Variants in GLYCTK observed in about 807,000 individuals in gnomAD.
The protein encoded by GLYCTK is glycerate kinase, also known as HBeAg binding protein 4.
In GLYCTK, 22 loss-of-function variants were observed where a neutral mutation model predicts 24.8. The ratio of observed to expected loss-of-function variants is 0.89; its 90% CI spans 0.63 to 1.27. GLYCTK has a LOEUF of 1.27. Ranked by LOEUF, GLYCTK falls within the 50% of genes most tolerant of loss-of-function variation. The probability of loss-of-function intolerance (pLI) is 0.00; values close to 1 mark genes in which losing one functional copy is unlikely to be tolerated. For missense variants in GLYCTK, 684 were observed against 686.7 expected, an observed-to-expected ratio of 1.00 and a Z score of 0.04; for synonymous variants, 320 against 297.2, an observed-to-expected ratio of 1.08 and a Z score of -0.79.
At position 52,293,429 on chromosome 3, in the gene GLYCTK, T is replaced by G; in HGVS notation, c.*303T>G. 1 of 617,382 alleles carries G rather than the reference T, an allele frequency of 1.6e-6. No individual in the cohort carries two copies. Among genetic ancestry groups the G allele is most frequent in the Non-Finnish European group, 3.0e-6 (1 of 330,324 alleles). 38.2% of individuals were successfully genotyped at this position (617,382 alleles called of 1,614,324 possible). A position where few individuals can be genotyped will look rare whatever the true frequency, so the allele number is the denominator to read the frequency against. ...CTCTTGAGCCCCTCACCCTGTTTCT[T>G]TCTGTGAAGCGAGAATGTCTGAAAA... On this transcript the variant is annotated 3_prime_UTR_variant, in exon 5 of 5. Transcript: ENST00000436784.
rs1392286305 is a variant in GLYCTK, at chr3:52,292,608, G to A, written c.1054G>A (p.Ala352Thr). 6.2e-7 allele frequency: 1 copy of A among 1,613,406 alleles called. No homozygotes were observed. Among genetic ancestry groups the A allele is most frequent in the East Asian group, 2.2e-5 (1 of 44,864 alleles). ...TATGGCCCAGTTCTACGGGCTGCTG[G>A]CCCATGTGGCTAGAACCCGCCTCAC... is the stretch of plus-strand genomic sequence containing the variant. ...KSMAQFYGLL[A>T]HVARTRLTPS... The change falls in exon 5 of 5, where the codon GCC becomes ACC. Residue 352 changes from alanine (A) to threonine (T), a missense_variant. Transcript: ENST00000436784.
intron 1 of GLYCTK, chr3:52,288,859 C>T (rs1379768213): frequency 6.6e-6 from 1 of 152,138 alleles, no homozygotes; most frequent in Non-Finnish European, 1.5e-5. Flanking sequence ...TTCGGAATCC[C>T]CATGACGATG....
rs190088564 is a variant in GLYCTK, at chr3:52,290,073, C to T, written c.-39-231C>T. The T allele has an allele frequency of 1.5e-3, 805 of 536,094 alleles. 3 individuals carry two copies. Among genetic ancestry groups the T allele is most frequent in the Non-Finnish European group, 2.2e-3 (661 of 302,478 alleles). 33.2% of individuals were successfully genotyped at this position (536,094 alleles called of 1,614,324 possible). A position where few individuals can be genotyped will look rare whatever the true frequency, so the allele number is the denominator to read the frequency against. On this transcript the variant is annotated intron_variant, in intron 1 of 4. Transcript: ENST00000436784. ...ACTTGAGGCAGAGTATCCAGAGGGC[C>T]GGCATGTGGTCTGCAGAAGAGGAGG...
At position 52,294,363 on chromosome 3, in the gene GLYCTK, G is replaced by T. The variant is rs1333921228; in HGVS notation, c.*1237G>T. On this transcript the variant is annotated 3_prime_UTR_variant, in exon 5 of 5. Coordinates refer to ENST00000436784, the MANE Select transcript of GLYCTK (RefSeq NM_145262.4). Reference sequence around the variant, plus strand: ...CCCAACCCTCCCCTCCTCCCTGAGGGTGTGGAGGGGCCCTGGGCCAGGGCT... The same window carrying T: ...CCCAACCCTCCCCTCCTCCCTGAGGTTGTGGAGGGGCCCTGGGCCAGGGCT... 1 of 533,464 alleles carries T rather than the reference G, an allele frequency of 1.9e-6. No homozygotes were observed. Among genetic ancestry groups the T allele is most frequent in the South Asian group, 1.4e-5 (1 of 71,556 alleles). The allele number at this position is 533,464 out of a possible 1,614,324, so 33.0% of individuals were successfully genotyped here.
intron 3 of GLYCTK, chr3:52,291,470 T>C: frequency 3.4e-6 from 2 of 582,152 alleles, no homozygotes; most frequent in Non-Finnish European, 6.1e-6. Flanking sequence ...GTCCTCTCCT[T>C]GATCTTCCAT....
At position 52,290,600 on chromosome 3, in the gene GLYCTK, T is replaced by C. The variant is rs1180644443; in HGVS notation, c.258T>C (p.Phe86=). 1.2e-6 allele frequency: 2 copies of C among 1,613,844 alleles called. No homozygotes were observed. Among genetic ancestry groups the C allele is most frequent in the African/African-American group, 2.7e-5 (2 of 74,938 alleles). The part of the protein sequence containing the change: ...QLRQNLYLVG[F]GKAVLGMAAA... ...GGCAAAACCTCTACCTGGTGGGCTT[T>C]GGCAAGGCTGTGCTGGGTATGGCAG... Residue 86 remains phenylalanine, a synonymous_variant, in exon 2 of 5, where the codon TTT becomes TTC. Transcript: ENST00000436784.
At chr3:52,291,233 G>A in intron 3 of GLYCTK, 122 bp downstream of exon 3, 2 of 1,270,786 alleles carry the variant, frequency 1.6e-6, no homozygotes, top group East Asian at 2.5e-5. Context: ...AAGGGAGGTG[G>A]TGAGGAGCCT....
At chr3:52,291,331 C>T (rs1700462799) in intron 3 of GLYCTK, 1 of 615,626 alleles carries the variant, frequency 1.6e-6, no homozygotes, top group Non-Finnish European at 2.9e-6. Context: ...TTTTCGGTGA[C>T]AGTGAGAGGG....
chr3:52,291,889 TG>T lies in GLYCTK; in HGVS notation c.678del (p.Leu227TrpfsTer11), dbSNP rs750821385. ...IRKALSQLKGGGLAQAAYPAQ... is the reference protein window; with the variant it reads ...IRKALSQLKGXGLAQAAYPAQ... ...GGAAGGCCCTGTCCCAGCTCAAGGG[TG>T]GGGGGCTGGCTCAGGCCGCCTACCC... On this transcript the variant is annotated frameshift_variant, in exon 4 of 5. Transcript: ENST00000436784. LOFTEE classifies it high-confidence loss of function. 7.4e-6 allele frequency: 12 copies of T among 1,613,210 alleles called. No individual in the cohort carries two copies. The highest frequency in any genetic ancestry group is 1.3e-5 in the African/African-American group (1 of 74,860).
rs1700561148 is a variant in GLYCTK, at chr3:52,293,759, CCCAACCATGACT to C, written c.*637_*648del. 2 of 453,428 alleles carry C rather than the reference CCCAACCATGACT, an allele frequency of 4.4e-6. No individual in the cohort carries two copies. Among genetic ancestry groups the C allele is most frequent in the South Asian group, 3.1e-5 (2 of 64,450 alleles). The allele number at this position is 453,428 out of a possible 1,614,324, so 28.1% of individuals were successfully genotyped here. A position where few individuals can be genotyped will look rare whatever the true frequency, so the allele number is the denominator to read the frequency against. ...TCTGGGGTGACCAGCCACCCACCCACCCAACCATGACTCCACCATGGCACTGTCACCATGGCT... is the reference window on the plus strand; with the variant it reads ...TCTGGGGTGACCAGCCACCCACCCACCCACCATGGCACTGTCACCATGGCT... On this transcript the variant is annotated 3_prime_UTR_variant, in exon 5 of 5. Coordinates refer to ENST00000436784, the MANE Select transcript of GLYCTK (RefSeq NM_145262.4).
chr3:52,290,170 CTGGGGCTATCAGA>C, intron 1 of GLYCTK, 121 bp from the exon 2 acceptor site: 2 of 717,942 alleles, frequency 2.8e-6, no homozygotes, highest in Non-Finnish European at 4.5e-6. Context: ...AGGAAGTCTC[CTGGGGCTATCAGA>C]TGGCTCCTTC....
rs141097230 is a variant in GLYCTK, at chr3:52,292,422, C to T, written c.868C>T (p.Arg290Trp). The change falls in exon 5 of 5, where the codon CGG (arginine) becomes TGG (tryptophan). Residue 290 changes from arginine (R) to tryptophan (W), a missense_variant. Arg to Trp is a moderately radical substitution (Grantham distance 101). Coordinates refer to ENST00000436784, the MANE Select transcript of GLYCTK (RefSeq NM_145262.4). ...LPRSVKTVLS[R>W]ADSDPHGPHT... Reference sequence around the variant, plus strand: ...ACGTTCTGTGAAGACTGTGCTGTCTCGGGCCGACTCTGACCCCCATGGGCC... The same window carrying T: ...ACGTTCTGTGAAGACTGTGCTGTCTTGGGCCGACTCTGACCCCCATGGGCC... 3.3e-5 allele frequency: 53 copies of T among 1,613,446 alleles called. 1 individual carries two copies. In the East Asian group the frequency reaches 1.0e-3, roughly 31 times the overall value.
rs758507712 is a variant in GLYCTK at position 52,292,563 on chromosome 3, A to G, written c.1009A>G (p.Met337Val). ...CCAGGCTGTGGTGCTGAGTGCAGCCATGCAAGGTGATGTAAAAAGTATGGC... is the reference window on the plus strand; with the variant it reads ...CCAGGCTGTGGTGCTGAGTGCAGCCGTGCAAGGTGATGTAAAAAGTATGGC... ...GYQAVVLSAA[M>V]QGDVKSMAQF... The change falls in exon 5 of 5, where the codon ATG (methionine) becomes GTG (valine). Residue 337 changes from methionine (M) to valine (V), a missense_variant. Coordinates refer to ENST00000436784, the MANE Select transcript of GLYCTK (RefSeq NM_145262.4). The G allele has an allele frequency of 6.2e-7, 1 of 1,613,922 alleles. No homozygotes were observed. The highest frequency in any genetic ancestry group is 8.5e-7 in the Non-Finnish European group (1 of 1,180,030).
rs1312707502 is a variant in GLYCTK at position 52,295,209 on chromosome 3, T to C, written c.*2083T>C. The C allele has an allele frequency of 1.1e-5, 5 of 452,436 alleles. No homozygotes were observed. Among genetic ancestry groups the C allele is most frequent in the East Asian group, 1.4e-4 (2 of 14,368 alleles). 28.0% of individuals were successfully genotyped at this position (452,436 alleles called of 1,614,324 possible). A position where few individuals can be genotyped will look rare whatever the true frequency, so the allele number is the denominator to read the frequency against. Reference sequence around the variant, plus strand: ...AGAAAACCCTGCACAGTGAATGTTTTGATAGGATTCATTACTTGCTCCATA... The same window carrying C: ...AGAAAACCCTGCACAGTGAATGTTTCGATAGGATTCATTACTTGCTCCATA... On this transcript the variant is annotated 3_prime_UTR_variant, in exon 5 of 5. Transcript: ENST00000436784.
At chr3:52,290,841 C>A in intron 2 of GLYCTK, 119 bp from the exon 3 acceptor site, 1 of 1,581,892 alleles carries the variant, frequency 6.3e-7, no homozygotes, top group Non-Finnish European at 8.7e-7. Context: ...CTGGCCTGGC[C>A]CCAGGATGCA....
At chr3:52,290,877 C>G in intron 2 of GLYCTK, 83 bp from the exon 3 acceptor site, 2 of 1,597,942 alleles carry the variant, frequency 1.3e-6, no homozygotes, top group Non-Finnish European at 8.6e-7. Flanking sequence ...TCGTTCATGC[C>G]CCCATCACCT....
At position 52,292,895 on chromosome 3, in the gene GLYCTK, G is replaced by T. The variant is rs1314544608; in HGVS notation, c.1341G>T (p.Leu447Phe). 1.2e-6 allele frequency: 2 copies of T among 1,613,966 alleles called. No homozygotes were observed. The highest frequency in any genetic ancestry group is 1.7e-6 in the Non-Finnish European group (2 of 1,180,030). Residue 447 changes from leucine to phenylalanine, a missense_variant, in exon 5 of 5, where the codon TTG (leucine) becomes TTT (phenylalanine). Coordinates refer to ENST00000436784, the MANE Select transcript of GLYCTK (RefSeq NM_145262.4). ...WPLGPIDVLFLSGGTDGQDGP... is the reference protein window; with the variant it reads ...WPLGPIDVLFFSGGTDGQDGP... The stretch of plus-strand genomic sequence containing the variant: ...TGGGGCCGATAGATGTGCTGTTTTT[G>T]AGCGGTGGCACCGATGGGCAGGATG...
chr3:52,292,351 A>G lies in GLYCTK; in HGVS notation c.797A>G (p.Asp266Gly), dbSNP rs1700497469. 2 of 1,613,890 alleles carry G rather than the reference A, an allele frequency of 1.2e-6. No individual in the cohort carries two copies. Among genetic ancestry groups the G allele is most frequent in the Non-Finnish European group, 1.7e-6 (2 of 1,179,972 alleles). Residue 266 changes from aspartate to glycine, a missense_variant, in exon 5 of 5, where the codon GAT becomes GGT. Physicochemically the swap from Asp to Gly is moderately conservative, Grantham distance 94. Coordinates refer to ENST00000436784, the MANE Select transcript of GLYCTK (RefSeq NM_145262.4). ...GTGGCCAGTTCCCACAATGTGCAAG[A>G]TTGCCTGCATATCCTCAATCGCTAC... ...PTVASSHNVQ[D>G]CLHILNRYGL...
At position 52,293,448 on chromosome 3, in the gene GLYCTK, C is replaced by T. The variant is rs1578033113; in HGVS notation, c.*322C>T. On this transcript the variant is annotated 3_prime_UTR_variant, in exon 5 of 5. Transcript: ENST00000436784. ...GTTTCTTTCTGTGAAGCGAGAATGTCTGAAAATAAATAGGACCATGCCATG... is the reference window on the plus strand; with the variant it reads ...GTTTCTTTCTGTGAAGCGAGAATGTTTGAAAATAAATAGGACCATGCCATG... 1 of 572,040 alleles carries T rather than the reference C, an allele frequency of 1.7e-6. No homozygotes were observed. The allele number at this position is 572,040 out of a possible 1,614,324, so 35.4% of individuals were successfully genotyped here.
Sources: allele counts gnomAD v4.1 joint callset, GRCh38; gene constraint gnomAD v4.1.1; transcripts MANE v1.5; gene names NCBI Gene and HGNC (gene_info 2026-07-23, HGNC 2026-07-21).